The following C3orf52 variants were observed in gnomAD, a reference collection of about 807,000 sequenced individuals.
The protein encoded by C3orf52 is TPA-induced transmembrane protein.
Under a neutral mutation model 24.8 loss-of-function variants are expected in C3orf52, and 22 were observed. The observed-to-expected ratio is 0.89, with a 90% CI of 0.63 to 1.27. The LOEUF (loss-of-function observed/expected upper bound fraction) is 1.27, where lower values mean the gene tolerates loss of function less well. Among genes scored for constraint, C3orf52 ranks in the 50% most tolerant of loss-of-function variants. The pLI, the probability that C3orf52 is intolerant of heterozygous loss-of-function variation, is 0.00. For synonymous variants in C3orf52, 93 were observed against 100.2 expected (o/e 0.93, Z 0.43); for missense variants, 265 against 260.7 (o/e 1.02, Z -0.11).
chr3:112,135,924 A>G (rs964095176), downstream of C3orf52, among the ~76,000 whole-genome samples: 1 of 152,132 alleles, frequency 6.6e-6, no homozygotes, highest in African/African-American at 2.4e-5. Context: ...CTTTGCTGTC[A>G]TTGTTCTTTG....
intron 2 of C3orf52, among the ~76,000 whole-genome samples, chr3:112,099,422 CT>C (rs1468963983): frequency 6.6e-6 from 1 of 152,120 alleles, no homozygotes; most frequent in Non-Finnish European, 1.5e-5. Context: ...TATTTTAGTT[CT>C]GCTACTATCC....
At chr3:112,112,828 C>A in intron 4 of C3orf52, 136 bp from the exon 5 acceptor site, 1 of 778,104 alleles carries the variant, frequency 1.3e-6, no homozygotes. Flanking sequence ...TATGTTCTTC[C>A]AGGACAGAAC....
chr3:112,135,703 C>G (rs1307712373), downstream of C3orf52, among the ~76,000 whole-genome samples: 1 of 152,158 alleles, frequency 6.6e-6, no homozygotes, highest in African/African-American at 2.4e-5. Flanking sequence ...GGACAGAGAG[C>G]CTCCTTATTA....
chr3:112,131,707 A>C (rs1023332746), downstream of C3orf52, among the ~76,000 whole-genome samples: 3 of 152,192 alleles, frequency 2.0e-5, no homozygotes, highest in African/African-American at 4.8e-5. Context: ...TTTACATCTG[A>C]CACCATATAT....
chr3:112,098,931 G>GC (rs1350025443), intron 2 of C3orf52, among the ~76,000 whole-genome samples: 1 of 152,106 alleles, frequency 6.6e-6, no homozygotes, highest in East Asian at 1.9e-4. Context: ...TTGTGTCCCT[G>GC]CCCAAATCTC....
At chr3:112,086,577 C>A in intron 1 of C3orf52, 32 bp downstream of exon 1, 1 of 1,490,056 alleles carries the variant, frequency 6.7e-7, no homozygotes, top group Non-Finnish European at 9.0e-7. Flanking sequence ...CCCTAACTTG[C>A]CGGCGGCGGG....
At position 112,116,935 on chromosome 3, in the gene C3orf52, A is replaced by G; in HGVS notation, c.*289A>G. On this transcript the variant is annotated 3_prime_UTR_variant, in exon 6 of 6. Transcript: ENST00000264848. ...TGTCCCACTGTTGGAGGTCACTGGT[A>G]TTCTGTTTGTTTTTGTTTTGTTTCG... is the stretch of plus-strand genomic sequence containing the variant. 2 of 1,533,684 alleles carry G rather than the reference A, an allele frequency of 1.3e-6. No homozygotes were observed. Among genetic ancestry groups the G allele is most frequent in the Non-Finnish European group, 1.7e-6 (2 of 1,144,420 alleles).
intron 4 of C3orf52, among the ~76,000 whole-genome samples, chr3:112,123,999 TC>T (rs1453906670): frequency 6.6e-6 from 1 of 152,186 alleles, no homozygotes; most frequent in Non-Finnish European, 1.5e-5. Context: ...TGCCCCTTGT[TC>T]CAGAGTGACC....
intron 4 of C3orf52, 127 bp from the exon 5 acceptor site, chr3:112,112,837 A>G (rs146499813): frequency 1.3e-6 from 1 of 793,280 alleles, no homozygotes; most frequent in South Asian, 1.4e-5. Flanking sequence ...CCAGGACAGA[A>G]CATTCTTTGC....
chr3:112,123,367 G>A (rs2074235675), intron 4 of C3orf52: 2 of 1,548,048 alleles, frequency 1.3e-6, no homozygotes, highest in Admixed American at 1.9e-5. Flanking sequence ...AAGCTGGAGG[G>A]ACTTTGTGTC....
downstream of C3orf52, chr3:112,119,394 A>G: frequency 1.4e-6 from 1 of 695,494 alleles, no homozygotes; most frequent in Non-Finnish European, 2.6e-6. Flanking sequence ...AAACAAACAA[A>G]CAAACAGAAA....
intron 4 of C3orf52, 54 bp from the exon 5 acceptor site, chr3:112,112,910 C>A (rs376304335): frequency 5.9e-6 from 8 of 1,359,420 alleles, no homozygotes; most frequent in Non-Finnish European, 8.3e-6. Flanking sequence ...AAATTCATTT[C>A]TTGAGTTGCA....
rs548657255 is a variant in C3orf52, at chr3:112,097,936, T to A, written c.268+4447T>A. On this transcript the variant is annotated intron_variant, in intron 2 of 5. Transcript: ENST00000264848. ...GAATGCTAATCATGTAGAAGTTATT[T>A]ATATCTTACTGCTCAAGGTCATCAC... is the stretch of plus-strand genomic sequence containing the variant. 5.3e-5 allele frequency among the ~76,000 whole-genome samples: 8 copies of A among 152,312 alleles called. No homozygotes were observed. In the South Asian group the frequency reaches 1.7e-3, roughly 32 times the overall value.
At chr3:112,127,102 CA>C (rs2074341345) in intron 4 of C3orf52, 1 of 994,632 alleles carries the variant, frequency 1.0e-6, no homozygotes, top group African/African-American at 1.6e-5. Flanking sequence ...CACAAGCCTA[CA>C]AAACTTACTT....
At chr3:112,115,089 C>T (rs2074122396) in intron 5 of C3orf52, among the ~76,000 whole-genome samples, 1 of 152,212 alleles carries the variant, frequency 6.6e-6, no homozygotes, top group African/African-American at 2.4e-5. Context: ...TTCTTTCTCT[C>T]AGACATTTCT....
At chr3:112,122,575 CATT>C (rs1271129548), downstream of C3orf52, 2 of 152,106 alleles carry the variant, frequency 1.3e-5, no homozygotes, top group Non-Finnish European at 2.9e-5. Flanking sequence ...TTATACATGA[CATT>C]ATTAAATATA....
chr3:112,128,051 G>A (rs2074369231), intron 4 of C3orf52: 1 of 1,613,700 alleles, frequency 6.2e-7, no homozygotes, highest in South Asian at 1.1e-5. Flanking sequence ...GCGATATGGT[G>A]ATCCCAGCAT....
Position 112,117,099 on chromosome 3 carries a change from G to A in C3orf52, c.*453G>A, listed in dbSNP as rs926323939. ...GCAGAGGTGCACTGTCTTCTTTTAG[G>A]TGGGATCGCGTAAGCATGAGCTGGT... On this transcript the variant is annotated 3_prime_UTR_variant, in exon 6 of 6. Coordinates refer to ENST00000264848, the MANE Select transcript of C3orf52 (RefSeq NM_024616.3). The A allele has an allele frequency of 9.6e-6, 6 of 623,234 alleles. No individual in the cohort carries two copies. In the South Asian group the frequency reaches 1.3e-4, roughly 13 times the overall value. 38.6% of individuals were successfully genotyped at this position (623,234 alleles called of 1,614,324 possible).
At chr3:112,116,186 C>T (rs1441594308) in intron 5 of C3orf52, among the ~76,000 whole-genome samples, 1 of 152,190 alleles carries the variant, frequency 6.6e-6, no homozygotes, top group Admixed American at 6.5e-5. Flanking sequence ...GGTCTGTAGA[C>T]CCCGGCGGGC....
Sources: allele counts gnomAD v4.1 joint callset (sites outside exome capture counted in the v4.1 genomes callset), GRCh38; gene constraint gnomAD v4.1.1; transcripts MANE v1.5; gene names NCBI Gene and HGNC (gene_info 2026-07-23, HGNC 2026-07-21).